The following DNAJC15 variants were observed in gnomAD, a reference collection of about 807,000 sequenced individuals.
DNAJC15 encodes the protein DnaJ heat shock protein family (Hsp40) member C15.
In DNAJC15, 27 loss-of-function variants were observed where a neutral mutation model predicts 22.4. The ratio of observed to expected loss-of-function variants is 1.20; its 90% CI spans 0.89 to 1.66. The LOEUF (loss-of-function observed/expected upper bound fraction) is 1.66, where lower values mean the gene tolerates loss of function less well. DNAJC15 is among the 40% of genes most tolerant of loss of function. DNAJC15 has a pLI of 0.00. For missense variants in DNAJC15, 208 were observed against 187.1 expected, an observed-to-expected ratio of 1.11 and a Z score of -0.65; for synonymous variants, 79 against 63.2, an observed-to-expected ratio of 1.25 and a Z score of -1.19.
In DNAJC15 at chr13:43,056,182, G is replaced by A. The variant is rs766837010; in HGVS notation, c.109-9504G>A. ...TTTTTTTTTTTTTAGAAGGAGTTTC[G>A]CTCTTGTTGCCTAGGCTGAAGTGCA... is the stretch of plus-strand genomic sequence containing the variant. On this transcript the variant is annotated intron_variant, in intron 1 of 5. Transcript: ENST00000379221. Among the ~76,000 whole-genome samples the A allele has an allele frequency of 9.5e-5, 14 of 147,792 alleles. No individual in the cohort carries two copies. The South Asian group carries it at 1.1e-3, about 11-fold the overall frequency.
At chr13:43,024,344 T>TTTTG (rs1555273208) in intron 1 of DNAJC15, among the ~76,000 whole-genome samples, 1 of 75,266 alleles carries the variant, frequency 1.3e-5, no homozygotes, top group Admixed American at 1.1e-4. Flanking sequence ...TACGTTTTTT[T>TTTTG]TTTTTTTTTT....
chr13:43,066,912 C>T (rs2040587021), intron 2 of DNAJC15, among the ~76,000 whole-genome samples: 1 of 152,186 alleles, frequency 6.6e-6, no homozygotes, highest in Non-Finnish European at 1.5e-5. Context: ...AGCCACCGTG[C>T]CCGGCCCATT....
rs2040824428 is a variant in DNAJC15, at chr13:43,111,479, C to T, written c.*4231C>T. 1 of 152,082 alleles carries T rather than the reference C, an allele frequency of 6.6e-6. No individual in the cohort carries two copies. The highest frequency in any genetic ancestry group is 6.6e-5 in the Admixed American group (1 of 15,262). 9.4% of individuals were successfully genotyped at this position (152,082 alleles called of 1,614,324 possible). On this transcript the variant is annotated 3_prime_UTR_variant, in exon 6 of 6. Transcript: ENST00000379221. ...GAAATCTTTTGGTTGTCCTGGGGAA[C>T]CTTGAACACAGAAAAGAGCTTTTAT...
intron 1 of DNAJC15, among the ~76,000 whole-genome samples, chr13:43,032,514 A>T (rs2040408385): frequency 6.6e-6 from 1 of 152,198 alleles, no homozygotes; most frequent in South Asian, 2.1e-4. Flanking sequence ...TATCATTTCC[A>T]TGCTATTGGA....
chr13:43,059,315 C>T (rs1220221423), intron 1 of DNAJC15, among the ~76,000 whole-genome samples: 4 of 152,086 alleles, frequency 2.6e-5, no homozygotes, highest in African/African-American at 9.7e-5. Context: ...CTGATGTGCT[C>T]TAGGAGTTGA....
At chr13:43,080,121 A>G (rs1257014978) in intron 4 of DNAJC15, among the ~76,000 whole-genome samples, 1 of 152,110 alleles carries the variant, frequency 6.6e-6, no homozygotes, top group African/African-American at 2.4e-5. Flanking sequence ...CAGGTTTATT[A>G]TAAAGATAAA....
intron 5 of DNAJC15, among the ~76,000 whole-genome samples, chr13:43,098,160 CTA>C (rs2040750404): frequency 2.6e-5 from 4 of 152,144 alleles, no homozygotes; most frequent in Admixed American, 2.6e-4. Context: ...TTGTATGCCT[CTA>C]TGAGGACAGA....
intron 5 of DNAJC15, among the ~76,000 whole-genome samples, chr13:43,091,123 C>A (rs182526596): frequency 3.1e-4 from 47 of 151,544 alleles, no homozygotes; most frequent in African/African-American, 1.1e-3. Flanking sequence ...CTCACTCTGT[C>A]ACCTAGGCTG....
At chr13:43,039,254 AT>A (rs2040442427) in intron 1 of DNAJC15, among the ~76,000 whole-genome samples, 1 of 151,734 alleles carries the variant, frequency 6.6e-6, no homozygotes, top group African/African-American at 2.4e-5. Flanking sequence ...GTTCTCTGTC[AT>A]TTTTTTCAAC....
intron 5 of DNAJC15, among the ~76,000 whole-genome samples, chr13:43,090,909 T>C (rs1475885910): frequency 1.3e-5 from 2 of 151,400 alleles, no homozygotes; most frequent in African/African-American, 4.9e-5. Flanking sequence ...GGGGTTTCAC[T>C]GTGTTAGCCA....
At chr13:43,090,597 C>CT (rs1310104053) in intron 5 of DNAJC15, among the ~76,000 whole-genome samples, 2 of 151,894 alleles carry the variant, frequency 1.3e-5, no homozygotes, top group South Asian at 2.1e-4. Flanking sequence ...GTTATTTTGC[C>CT]TTTTTTTGAA....
intron 1 of DNAJC15, among the ~76,000 whole-genome samples, chr13:43,053,940 C>A (rs57099808): frequency 0.018 from 2,684 of 152,310 alleles, 99 homozygotes; most frequent in East Asian, 0.13. Flanking sequence ...GCTAGGACTT[C>A]TAGTACTATG....
chr13:43,026,382 A>G (rs925331963), intron 1 of DNAJC15, among the ~76,000 whole-genome samples: 2 of 152,218 alleles, frequency 1.3e-5, no homozygotes, highest in African/African-American at 2.4e-5. Context: ...TCTACGATCA[A>G]TGGTCCCCCA....
chr13:43,057,588 CTT>C (rs1439556568), intron 1 of DNAJC15, among the ~76,000 whole-genome samples: 1 of 152,166 alleles, frequency 6.6e-6, no homozygotes, highest in African/African-American at 2.4e-5. Flanking sequence ...CTTCTGAAAT[CTT>C]TATCTGACAA....
intron 2 of DNAJC15, 114 bp from the exon 3 acceptor site, chr13:43,068,816 C>A: frequency 1.2e-6 from 1 of 827,034 alleles, no homozygotes; most frequent in South Asian, 3.5e-5. Context: ...TTTTGAAATA[C>A]TTATTGCAAT....
chr13:43,078,645 CAG>C lies in DNAJC15; in HGVS notation c.270_271del (p.Lys91AsnfsTer3), dbSNP rs767701799. ...FSSYYKGGFE[Q>X]KMSRREAGLI... ...ATCCTACTATAAAGGAGGATTTGAA[CAG>C]AAAATGAGTAGGCGAGAAGCTGGTC... On this transcript the variant is annotated frameshift_variant, in exon 4 of 6. Transcript: ENST00000379221. LOFTEE classifies it high-confidence loss of function. 3 of 1,613,396 alleles carry C rather than the reference CAG, an allele frequency of 1.9e-6. No individual in the cohort carries two copies. The highest frequency in any genetic ancestry group is 2.2e-5 in the South Asian group (2 of 91,008).
At position 43,107,204 on chromosome 13, in the gene DNAJC15, A is replaced by G. The variant is rs766926766; in HGVS notation, c.409A>G (p.Ile137Val). ...TGGATCTCCTTACGTAGCAGCCAAA[A>G]TAAATGAAGCAAAAGACTTGCTAGA... is the stretch of plus-strand genomic sequence containing the variant. ...KGGSPYVAAK[I>V]NEAKDLLETT... Residue 137 changes from isoleucine (I) to valine (V), a missense_variant, in exon 6 of 6, where the codon ATA (isoleucine) becomes GTA (valine). Coordinates refer to ENST00000379221, the MANE Select transcript of DNAJC15 (RefSeq NM_013238.3). 4 of 1,596,678 alleles carry G rather than the reference A, an allele frequency of 2.5e-6. No individual in the cohort carries two copies. The highest frequency in any genetic ancestry group is 3.4e-6 in the Non-Finnish European group (4 of 1,172,660).
chr13:43,062,175 CTG>C (rs1433491314), intron 1 of DNAJC15, among the ~76,000 whole-genome samples: 2 of 152,124 alleles, frequency 1.3e-5, no homozygotes, highest in Non-Finnish European at 2.9e-5. Flanking sequence ...CACTTGGAAA[CTG>C]TTATTCATCC....
chr13:43,029,389 G>A (rs567008552), intron 1 of DNAJC15, among the ~76,000 whole-genome samples: 1 of 152,138 alleles, frequency 6.6e-6, no homozygotes, highest in African/African-American at 2.4e-5. Flanking sequence ...GTTTTTCTTG[G>A]ACTGAAATGT....
Sources: allele counts gnomAD v4.1 joint callset (sites outside exome capture counted in the v4.1 genomes callset), GRCh38; gene constraint gnomAD v4.1.1; transcripts MANE v1.5; gene names NCBI Gene and HGNC (gene_info 2026-07-23, HGNC 2026-07-21).